The following NUF2 variants were observed in gnomAD, a reference collection of about 807,000 sequenced individuals.
NUF2 encodes the protein NUF2 component of NDC80 kinetochore complex.
In NUF2, 34 loss-of-function variants were observed where a neutral mutation model predicts 61.8. The ratio of observed to expected loss-of-function variants is 0.55; its 90% CI spans 0.42 to 0.73. The LOEUF is 0.73. NUF2 is among the 30% of genes least tolerant of loss of function. The probability of loss-of-function intolerance (pLI) is 0.00; values close to 1 mark genes in which losing one functional copy is unlikely to be tolerated. For missense variants in NUF2, 445 were observed against 539.1 expected, an observed-to-expected ratio of 0.83 and a Z score of 1.73; for synonymous variants, 172 against 181.6, an observed-to-expected ratio of 0.95 and a Z score of 0.42.
chr1:163,339,162 T>C, intron 7 of NUF2: 1 of 495,188 alleles, frequency 2.0e-6, no homozygotes, highest in South Asian at 2.7e-5. Context: ...GATGGATCCA[T>C]AGATTTGATA....
In NUF2 at chr1:163,347,944, G is replaced by A. The variant is rs1463311089; in HGVS notation, c.1124+6G>A. 16 of 1,486,444 alleles carry A rather than the reference G, an allele frequency of 1.1e-5. No individual in the cohort carries two copies. The highest frequency in any genetic ancestry group is 5.0e-5 in the East Asian group (2 of 40,146). The allele number at this position is 1,486,444 out of a possible 1,614,324, so 92.1% of individuals were successfully genotyped here. On this transcript the variant is annotated splice_donor_region_variant and intron_variant, in intron 12 of 13. Coordinates refer to ENST00000271452, the MANE Select transcript of NUF2 (RefSeq NM_145697.3). Reference sequence around the variant, plus strand: ...TACAAACGCACAGTAATTGAGTATGGAGTTGTTTTCAATTTTAGTGTATTA... The same window carrying A: ...TACAAACGCACAGTAATTGAGTATGAAGTTGTTTTCAATTTTAGTGTATTA...
At chr1:163,353,508 A>G (rs1394781738) in intron 13 of NUF2, among the ~76,000 whole-genome samples, 1 of 152,204 alleles carries the variant, frequency 6.6e-6, no homozygotes, top group Non-Finnish European at 1.5e-5. Flanking sequence ...TTTTAATTTC[A>G]TTTGATTAAA....
chr1:163,328,758 T>C (rs2271226), intron 4 of NUF2, 88 bp from the exon 5 acceptor site: 143,191 of 837,334 alleles, frequency 0.17, 13,142 homozygotes, highest in Non-Finnish European at 0.19. Context: ...CAGAAATCTC[T>C]TTCTGAAAAT....
intron 2 of NUF2, among the ~76,000 whole-genome samples, chr1:163,327,098 T>TCTTTAAAACACACACACACACACA (rs1553230626): frequency 3.0e-5 from 1 of 33,300 alleles, no homozygotes; most frequent in African/African-American, 5.4e-5. Context: ...TTTCCTGTGT[T>TCTTTAAAACACACACACACACACA]CACACACACA....
intron 13 of NUF2, among the ~76,000 whole-genome samples, chr1:163,349,980 GTC>G (rs938582414): frequency 1.3e-5 from 2 of 151,436 alleles, no homozygotes; most frequent in African/African-American, 4.9e-5. Flanking sequence ...CCAAGAGTCA[GTC>G]TCTCTAGTAT....
intron 5 of NUF2, among the ~76,000 whole-genome samples, chr1:163,330,469 G>C (rs937087841): frequency 1.3e-5 from 2 of 152,142 alleles, no homozygotes; most frequent in Middle Eastern, 6.8e-3. Flanking sequence ...TGATTATTTA[G>C]CTTTACAGTA....
At chr1:163,349,801 G>A (rs991913180) in intron 13 of NUF2, among the ~76,000 whole-genome samples, 1 of 152,144 alleles carries the variant, frequency 6.6e-6, no homozygotes, top group Non-Finnish European at 1.5e-5. Flanking sequence ...GAAAGGAAAG[G>A]TAGTGGAGTG....
At chr1:163,326,313 C>T in intron 2 of NUF2, 139 bp downstream of exon 2, 1 of 651,110 alleles carries the variant, frequency 1.5e-6, no homozygotes, top group East Asian at 2.8e-5. Context: ...GAATCTCTCA[C>T]CTAGCATAAT....
At chr1:163,322,602 T>C (rs12755500) in intron 1 of NUF2, among the ~76,000 whole-genome samples, 25,828 of 152,254 alleles carry the variant, frequency 0.17, 2,283 homozygotes, top group Non-Finnish European at 0.19. Context: ...TTTTACTTAA[T>C]TCATTGAAGT....
At chr1:163,339,843 T>C (rs1509023) in intron 8 of NUF2, among the ~76,000 whole-genome samples, 63,191 of 151,948 alleles carry the variant, frequency 0.42, 13,528 homozygotes, top group South Asian at 0.59. Context: ...GCATCTGTCA[T>C]ATCCTTTTTG....
intron 13 of NUF2, 31 bp downstream of exon 13, chr1:163,349,111 A>C: frequency 1.3e-6 from 2 of 1,572,004 alleles, no homozygotes; most frequent in South Asian, 2.4e-5. Flanking sequence ...AGTTAATTTC[A>C]AATAATCTCT....
intron 13 of NUF2, among the ~76,000 whole-genome samples, chr1:163,354,817 ATTG>A (rs776425470): frequency 3.9e-5 from 6 of 152,092 alleles, no homozygotes; most frequent in African/African-American, 7.2e-5. Context: ...ATCTATAAAA[ATTG>A]TTGTTTTATT....
Position 163,327,503 on chromosome 1 carries a change from A to G in NUF2, c.139A>G (p.Met47Val), listed in dbSNP as rs746568095. ...TTTGCTGTAGCCTGAAGTCTTGCACATGATCTACATGAGAGCCTTACAAAT... is the reference window on the plus strand; with the variant it reads ...TTTGCTGTAGCCTGAAGTCTTGCACGTGATCTACATGAGAGCCTTACAAAT... ...YPNPKPEVLH[M>V]IYMRALQIVY... Residue 47 changes from methionine to valine, a missense_variant, in exon 3 of 14, where the codon ATG (methionine) becomes GTG (valine). Met to Val is a conservative substitution (Grantham distance 21). Transcript: ENST00000271452. 5.6e-6 allele frequency: 9 copies of G among 1,610,874 alleles called. No homozygotes were observed. In the East Asian group the frequency reaches 1.6e-4, roughly 28 times the overall value.
rs1366098072 is a variant in NUF2, at chr1:163,351,544, CA to C, written c.1260+2468del. 1.1e-4 allele frequency among the ~76,000 whole-genome samples: 17 copies of C among 152,102 alleles called. 1 individual carries two copies. The highest frequency in any genetic ancestry group is 2.5e-4 in the Non-Finnish European group (17 of 67,982). ...GATTTGATCAGCATGCCTTTTTCTT[CA>C]AAATAAAAATGTTTACTAGAACAAG... On this transcript the variant is annotated intron_variant, in intron 13 of 13. Transcript: ENST00000271452.
intron 5 of NUF2, among the ~76,000 whole-genome samples, chr1:163,334,308 T>A (rs982621307): frequency 1.3e-5 from 2 of 152,226 alleles, no homozygotes; most frequent in Admixed American, 6.5e-5. Flanking sequence ...ATATAATGAT[T>A]TCTTTCTTAA....
intron 5 of NUF2, among the ~76,000 whole-genome samples, chr1:163,332,570 G>C (rs1650631720): frequency 6.6e-6 from 1 of 152,108 alleles, no homozygotes; most frequent in Middle Eastern, 3.2e-3. Flanking sequence ...GGCTCTAGGA[G>C]AGAGTCAGTT....
At chr1:163,354,892 T>G (rs1187146478) in intron 13 of NUF2, among the ~76,000 whole-genome samples, 1 of 152,096 alleles carries the variant, frequency 6.6e-6, no homozygotes, top group Non-Finnish European at 1.5e-5. Context: ...TTCAAACAAC[T>G]CTACAAGGTA....
intron 5 of NUF2, among the ~76,000 whole-genome samples, chr1:163,332,594 T>C (rs984688346): frequency 6.6e-6 from 1 of 152,170 alleles, no homozygotes; most frequent in Non-Finnish European, 1.5e-5. Flanking sequence ...TTGCCTTTTC[T>C]AGCTTCTAGG....
At chr1:163,331,537 C>T (rs1605763) in intron 5 of NUF2, among the ~76,000 whole-genome samples, 45,111 of 151,714 alleles carry the variant, frequency 0.3, 6,895 homozygotes, top group Middle Eastern at 0.44. Context: ...GAAAGATTCC[C>T]GCTTCCATTT....
Sources: allele counts gnomAD v4.1 joint callset (sites outside exome capture counted in the v4.1 genomes callset), GRCh38; gene constraint gnomAD v4.1.1; transcripts MANE v1.5; gene names NCBI Gene and HGNC (gene_info 2026-07-23, HGNC 2026-07-21).